Variants in CFAP47 observed in about 807,000 individuals in gnomAD.
The protein encoded by CFAP47 is cilia- and flagella-associated protein 47.
CFAP47 carries 29 observed loss-of-function variants against 148.1 expected under a neutral mutation model. The observed-to-expected ratio is 0.20, with a 90% CI of 0.15 to 0.27. The LOEUF is 0.27. CFAP47 is among the 10% of genes least tolerant of loss of function. The probability of loss-of-function intolerance (pLI) is 1.00; values close to 1 mark genes in which losing one functional copy is unlikely to be tolerated. For synonymous variants in CFAP47, 664 were observed against 577.3 expected (o/e 1.15, Z -2.15); for missense variants, 1,872 against 1,697.5 (o/e 1.10, Z -1.81).
At chrX:36,009,383 C>G (rs1842087551) in intron 21 of CFAP47, among the ~76,000 whole-genome samples, 1 of 111,651 alleles carries the variant, frequency 9.0e-6, no homozygotes, top group Admixed American at 9.5e-5. Flanking sequence ...ATATAACCAG[C>G]TGCTGATGAT....
At position 35,967,830 on chromosome X, in the gene CFAP47, C is replaced by T; in HGVS notation, c.1812C>T (p.Phe604=). ...GGTCTAAAGACCATCATAAACATTT[C>T]AGGTAACATGAAATATTAAAACCCT... ...TIRSKDHHKH[F]RPIFTKVPRF... The change falls in exon 10 of 64, where the codon TTC becomes TTT. Residue 604 remains phenylalanine, a splice_region_variant and synonymous_variant. Coordinates refer to ENST00000378653, the MANE Select transcript of CFAP47 (RefSeq NM_001304548.2). The T allele has an allele frequency of 8.4e-7, 1 of 1,188,966 alleles. No homozygotes were observed. Among genetic ancestry groups the T allele is most frequent in the Non-Finnish European group, 1.1e-6 (1 of 879,821 alleles).
At chrX:36,080,616 T>C (rs756358055) in intron 29 of CFAP47, among the ~76,000 whole-genome samples, 9 of 111,773 alleles carry the variant, frequency 8.1e-5, no homozygotes, top group African/African-American at 2.6e-4. Context: ...AAGGATGAGT[T>C]CATGTCCTTT....
intron 30 of CFAP47, among the ~76,000 whole-genome samples, chrX:36,087,185 A>G (rs1938103836): frequency 8.9e-6 from 1 of 112,422 alleles, no homozygotes; most frequent in African/African-American, 3.2e-5. Flanking sequence ...GAACCCTTCT[A>G]TATAAAATAG....
At chrX:36,365,403 A>G (rs1274476490) in intron 61 of CFAP47, among the ~76,000 whole-genome samples, 4 of 110,603 alleles carry the variant, frequency 3.6e-5, no homozygotes, top group Non-Finnish European at 7.6e-5. Context: ...CACTTCTTGA[A>G]ATCTTAGAGG....
chrX:35,982,970 A>G (rs1413626380), intron 15 of CFAP47, among the ~76,000 whole-genome samples: 2 of 111,880 alleles, frequency 1.8e-5, no homozygotes, highest in Non-Finnish European at 3.8e-5. Context: ...ATGAATTTTA[A>G]AATAGTATTC....
At position 35,971,876 on chromosome X, in the gene CFAP47, A is replaced by G; in HGVS notation, c.2165A>G (p.Lys722Arg). 8.4e-7 allele frequency: 1 copy of G among 1,197,502 alleles called. No individual in the cohort carries two copies. The highest frequency in any genetic ancestry group is 1.1e-6 in the Non-Finnish European group (1 of 885,611). Residue 722 changes from lysine to arginine, a missense_variant, in exon 13 of 64, where the codon AAA becomes AGA. Lys to Arg is a conservative substitution (Grantham distance 26, BLOSUM62 2). Coordinates refer to ENST00000378653, the MANE Select transcript of CFAP47 (RefSeq NM_001304548.2). ...EEESVRRKVLKGLKSEPSTPQ... is the reference protein window; with the variant it reads ...EEESVRRKVLRGLKSEPSTPQ... ...AAATATGATTTTTTACAGGTTCTCA[A>G]AGGACTTAAATCAGAACCATCCACT...
At chrX:35,976,466 C>T (rs113159457) in intron 15 of CFAP47, among the ~76,000 whole-genome samples, 3 of 111,660 alleles carry the variant, frequency 2.7e-5, no homozygotes, top group African/African-American at 9.8e-5. Context: ...ATGTTGTACA[C>T]CTTGAATGTA....
intron 44 of CFAP47, among the ~76,000 whole-genome samples, chrX:36,202,190 C>T (rs1363668215): frequency 9.0e-6 from 1 of 111,371 alleles, no homozygotes; most frequent in African/African-American, 3.3e-5. Context: ...TCTATCATTA[C>T]AGCTTAGAAT....
intron 9 of CFAP47, 83 bp from the exon 10 acceptor site, chrX:35,967,536 G>T: frequency 3.1e-6 from 2 of 641,029 alleles, no homozygotes; most frequent in Non-Finnish European, 4.8e-6. Flanking sequence ...CAATTGTCTA[G>T]TGTATTAATT....
At chrX:36,165,628 G>GA (rs34968218) in intron 39 of CFAP47, among the ~76,000 whole-genome samples, 1 of 111,446 alleles carries the variant, frequency 9.0e-6, no homozygotes, top group Non-Finnish European at 1.9e-5. Context: ...AAAGCTGGGA[G>GA]AAAGTGTATT....
In CFAP47 at chrX:36,039,090, G is replaced by A; in HGVS notation, c.3918G>A (p.Leu1306=). The part of the protein sequence containing the change: ...LTGEVKSPEL[L]FDPPFIFFTP... ...GGGAAGTAAAATCACCAGAGTTATT[G>A]TTTGACCCTCCATTTATATTTTTCA... Residue 1306 remains leucine (L), a synonymous_variant, in exon 25 of 64, where the codon TTG becomes TTA. Transcript: ENST00000378653. 1 of 1,101,942 alleles carries A rather than the reference G, an allele frequency of 9.1e-7. No individual in the cohort carries two copies. Among genetic ancestry groups the A allele is most frequent in the Non-Finnish European group, 1.2e-6 (1 of 816,274 alleles). The allele number at this position is 1,101,942 out of a possible 1,213,427, so 90.8% of individuals were successfully genotyped here.
chrX:36,297,671 A>G (rs891739345), intron 51 of CFAP47, among the ~76,000 whole-genome samples: 2 of 111,589 alleles, frequency 1.8e-5, no homozygotes, highest in African/African-American at 3.3e-5. Flanking sequence ...GGCTAAGACA[A>G]TGTACCTTGG....
intron 39 of CFAP47, 116 bp from the exon 40 acceptor site, chrX:36,179,229 A>G (rs992652003): frequency 3.7e-6 from 1 of 272,738 alleles, no homozygotes; most frequent in African/African-American, 2.8e-5. Context: ...ACTGTAGTTT[A>G]TTCTGATTCT....
At chrX:36,382,533 G>A (rs1556024319) in intron 63 of CFAP47, among the ~76,000 whole-genome samples, 2 of 111,560 alleles carry the variant, frequency 1.8e-5, no homozygotes, top group African/African-American at 6.5e-5. Flanking sequence ...AAACACCTGA[G>A]GGTTGTGGGT....
chrX:36,000,141 A>G, intron 19 of CFAP47, 142 bp from the exon 20 acceptor site: 1 of 243,213 alleles, frequency 4.1e-6, no homozygotes. Flanking sequence ...GAGGTGGGGG[A>G]GAGGAAGGAA....
At chrX:36,283,079 G>A (rs1193860871) in intron 50 of CFAP47, among the ~76,000 whole-genome samples, 1 of 110,615 alleles carries the variant, frequency 9.0e-6, no homozygotes, top group Non-Finnish European at 1.9e-5. Flanking sequence ...ATGTGTCTAT[G>A]TCTATATATC....
chrX:36,233,249 T>A (rs1322820780), intron 46 of CFAP47, among the ~76,000 whole-genome samples: 2 of 111,416 alleles, frequency 1.8e-5, no homozygotes, highest in Non-Finnish European at 3.8e-5. Flanking sequence ...TGTGGGAGTC[T>A]AATTCTCTTT....
intron 48 of CFAP47, among the ~76,000 whole-genome samples, chrX:36,243,403 A>G (rs1940570896): frequency 9.1e-6 from 1 of 109,627 alleles, no homozygotes; most frequent in Admixed American, 9.9e-5. Flanking sequence ...AGATTAAATG[A>G]CAAGACCCAA....
At chrX:36,085,888 A>G (rs1020721867) in intron 30 of CFAP47, among the ~76,000 whole-genome samples, 1 of 110,754 alleles carries the variant, frequency 9.0e-6, no homozygotes, top group South Asian at 3.7e-4. Context: ...TGAGTTTTTC[A>G]AAGTTAATTT....
Sources: gnomAD v4.1 joint callset for allele counts (sites outside exome capture counted in the v4.1 genomes callset) on GRCh38, gnomAD v4.1.1 for gene constraint, MANE v1.5 for transcripts, NCBI Gene and HGNC (gene_info 2026-07-23, HGNC 2026-07-21) for gene names.